The following ZNF442 variants were observed in gnomAD, a reference collection of about 807,000 sequenced individuals.
ZNF442 encodes zinc finger protein 442.
A neutral mutation model predicts 57.0 loss-of-function variants in ZNF442; 45 were observed. The ratio of observed to expected loss-of-function variants is 0.79; its 90% CI spans 0.62 to 1.01. The LOEUF (loss-of-function observed/expected upper bound fraction) is 1.01, where lower values mean the gene tolerates loss of function less well. Among genes scored for constraint, ZNF442 ranks in the 50% least tolerant of loss-of-function variants. ZNF442 has a pLI of 0.00. For synonymous variants in ZNF442, 213 were observed against 241.8 expected, an observed-to-expected ratio of 0.88 and a Z score of 1.10; for missense variants, 690 against 756.5, an observed-to-expected ratio of 0.91 and a Z score of 1.03.
upstream of ZNF442, among the ~76,000 whole-genome samples, chr19:12,368,797 C>T (rs1325428868): frequency 6.6e-6 from 1 of 152,154 alleles, no homozygotes; most frequent in Non-Finnish European, 1.5e-5. Context: ...ATTTTGACTT[C>T]TTTCCACACG....
the ZNF442 span, among the ~76,000 whole-genome samples, chr19:12,371,497 T>A: frequency 1.3e-5 from 2 of 152,214 alleles, no homozygotes; most frequent in Non-Finnish European, 2.9e-5. Flanking sequence ...TATGTTCAGA[T>A]TTTGCATATT....
chr19:12,370,490 G>C (rs62111314), upstream of ZNF442, among the ~76,000 whole-genome samples: 199 of 152,068 alleles, frequency 1.3e-3, 1 homozygote, highest in Non-Finnish European at 2.1e-3. Context: ...CATGGCCCAG[G>C]GATTGGGGAT....
chr19:12,348,031 G>T lies in ZNF442; in HGVS notation c.*1670C>A, dbSNP rs1027394530. On this transcript the variant is annotated 3_prime_UTR_variant, in exon 6 of 6. Coordinates refer to ENST00000242804, the MANE Select transcript of ZNF442 (RefSeq NM_030824.3). The stretch of plus-strand genomic sequence containing the variant: ...AGTTTTTGGGGCATCTACAGCCTCT[G>T]CAAGGTGAAAAGTATTAAAGATTAC... The T allele has an allele frequency of 3.9e-5, 6 of 152,130 alleles. No individual in the cohort carries two copies. Among genetic ancestry groups the T allele is most frequent in the Admixed American group, 3.9e-4 (6 of 15,258 alleles). 9.4% of individuals were successfully genotyped at this position (152,130 alleles called of 1,614,324 possible).
chr19:12,354,017 C>T (rs1224801887), intron 3 of ZNF442, among the ~76,000 whole-genome samples: 1 of 152,170 alleles, frequency 6.6e-6, no homozygotes, highest in African/African-American at 2.4e-5. Flanking sequence ...ACTTCCCAGC[C>T]TCCAGAACCA....
rs1475867779 is a variant in ZNF442, at chr19:12,356,564, T to C, written c.79-3450A>G. On this transcript the variant is annotated intron_variant, in intron 3 of 5. Transcript: ENST00000242804. ...ATCGCTTGAACCCAGGAGGCAGAGGTTGCAGTGAGCTGAGATCGCTCCATT... is the reference window on the plus strand; with the variant it reads ...ATCGCTTGAACCCAGGAGGCAGAGGCTGCAGTGAGCTGAGATCGCTCCATT... Among the ~76,000 whole-genome samples the C allele has an allele frequency of 4.0e-5, 6 of 150,060 alleles. No homozygotes were observed. In the East Asian group the frequency reaches 1.2e-3, roughly 29 times the overall value.
rs145002701 is a variant in ZNF442, at chr19:12,354,523, T to C, written c.79-1409A>G. On this transcript the variant is annotated intron_variant, in intron 3 of 5. Coordinates refer to ENST00000242804, the MANE Select transcript of ZNF442 (RefSeq NM_030824.3). ...ACAAATGTATAAAAATGCTAAAAAC[T>C]TTCTCACCAACAAAGTTACGGCTTT... Among the ~76,000 whole-genome samples the C allele has an allele frequency of 1.1e-3, 168 of 152,288 alleles. 1 individual carries two copies. Among genetic ancestry groups the C allele is most frequent in the African/African-American group, 3.9e-3 (164 of 41,572 alleles).
intron 5 of ZNF442, chr19:12,351,703 A>G: frequency 3.1e-6 from 1 of 326,680 alleles, no homozygotes; most frequent in Non-Finnish European, 5.6e-6. Flanking sequence ...ACGGGGTTTC[A>G]CCATGTTGGC....
Position 12,353,071 on chromosome 19 carries a change from T to G in ZNF442, c.122A>C (p.Glu41Ala), listed in dbSNP as rs1599588398. The G allele has an allele frequency of 6.2e-7, 1 of 1,613,380 alleles. No individual in the cohort carries two copies. The highest frequency in any genetic ancestry group is 8.5e-7 in the Non-Finnish European group (1 of 1,179,756). The stretch of plus-strand genomic sequence containing the variant: ...TGATGGACCCAGCAAAGCCCACTCT[T>G]CCTGGGTGAAGTTCACCGCCACATC... ...FEDVAVNFTQ[E>A]EWALLGPSQK... The change falls in exon 4 of 6, where the codon GAA becomes GCA. Residue 41 changes from glutamate (E) to alanine (A), a missense_variant. Physicochemically the swap from Glu to Ala is moderately radical, Grantham distance 107 (BLOSUM62 -1). Coordinates refer to ENST00000242804, the MANE Select transcript of ZNF442 (RefSeq NM_030824.3).
intron 3 of ZNF442, among the ~76,000 whole-genome samples, chr19:12,354,469 A>G (rs1225064635): frequency 6.6e-6 from 1 of 152,284 alleles, no homozygotes; most frequent in Admixed American, 6.5e-5. Flanking sequence ...AGTCAACAAA[A>G]AAAGATATCC....
Position 12,352,083 on chromosome 19 carries a change from CA to C in ZNF442, c.206-14del, listed in dbSNP as rs1969248615. On this transcript the variant is annotated splice_polypyrimidine_tract_variant and intron_variant, in intron 4 of 5. Transcript: ENST00000242804. ...TCCCATTTCATTCCTAAAAGGTGGA[CA>C]CAGAAAAAACACTGTAGATTATTAT... 5.6e-6 allele frequency: 9 copies of C among 1,611,064 alleles called. No homozygotes were observed. The highest frequency in any genetic ancestry group is 7.6e-6 in the Non-Finnish European group (9 of 1,178,906).
At chr19:12,364,407 C>CAAAAAAAAAAAAAAAA (rs35227073) in intron 2 of ZNF442, among the ~76,000 whole-genome samples, 21 of 93,118 alleles carry the variant, frequency 2.3e-4, no homozygotes, top group African/African-American at 8.0e-4. Flanking sequence ...AACTCCATCT[C>CAAAAAAAAAAAAAAAA]AAAAAAAAAA....
chr19:12,355,522 G>A (rs935760026), intron 3 of ZNF442, among the ~76,000 whole-genome samples: 5 of 149,870 alleles, frequency 3.3e-5, no homozygotes, highest in South Asian at 2.1e-4. Context: ...CCACACGCCC[G>A]GCTAATTTTT....
chr19:12,359,703 G>A lies in ZNF442; in HGVS notation c.78+3851C>T, dbSNP rs779585483. Among the ~76,000 whole-genome samples, 17 of 152,176 alleles carry A rather than the reference G, an allele frequency of 1.1e-4. No individual in the cohort carries two copies. In the South Asian group the frequency reaches 3.1e-3, roughly 28 times the overall value. On this transcript the variant is annotated intron_variant, in intron 3 of 5. Transcript: ENST00000242804. The stretch of plus-strand genomic sequence containing the variant: ...TGAACTAGAATCTGATTCTCGGCCC[G>A]GCGTGGTTGCTCACACCTGTAATCC...
chr19:12,346,683 T>G lies in ZNF442; in HGVS notation c.*3018A>C, dbSNP rs1202813752. On this transcript the variant is annotated 3_prime_UTR_variant, in exon 6 of 6. Coordinates refer to ENST00000242804, the MANE Select transcript of ZNF442 (RefSeq NM_030824.3). ...TTATTGATAGCAGTCAAATTATTACTGTGGAAACAACCCATGTTTATCAAC... is the reference window on the plus strand; with the variant it reads ...TTATTGATAGCAGTCAAATTATTACGGTGGAAACAACCCATGTTTATCAAC... 1 of 152,192 alleles carries G rather than the reference T, an allele frequency of 6.6e-6. No individual in the cohort carries two copies. The highest frequency in any genetic ancestry group is 2.4e-5 in the African/African-American group (1 of 41,450). 9.4% of individuals were successfully genotyped at this position (152,192 alleles called of 1,614,324 possible). A position where few individuals can be genotyped will look rare whatever the true frequency, so the allele number is the denominator to read the frequency against.
chr19:12,351,190 C>A lies in ZNF442; in HGVS notation c.395G>T (p.Cys132Phe), dbSNP rs746124728. ...GTGTCCAGCATCAAATGTGATATAG[C>A]AATTAAGGAATGAACAACCCATGAT... Reference protein sequence around the residue: ...GEIMGCSFLNCYITFDAGHKP... With the variant: ...GEIMGCSFLNFYITFDAGHKP... The change falls in exon 6 of 6, where the codon TGC becomes TTC. Residue 132 changes from cysteine (C) to phenylalanine (F), a missense_variant. Cys to Phe is a radical substitution (Grantham distance 205). Coordinates refer to ENST00000242804, the MANE Select transcript of ZNF442 (RefSeq NM_030824.3). 1.7e-5 allele frequency: 28 copies of A among 1,614,118 alleles called. No homozygotes were observed. In the South Asian group the frequency reaches 2.5e-4, roughly 15 times the overall value.
At chr19:12,361,877 G>C (rs147824960) in intron 3 of ZNF442, among the ~76,000 whole-genome samples, 2 of 152,146 alleles carry the variant, frequency 1.3e-5, no homozygotes, top group Admixed American at 1.3e-4. Flanking sequence ...ACGCCACCAC[G>C]CCTGACTGGT....
At chr19:12,371,521 G>A in the ZNF442 span, among the ~76,000 whole-genome samples, 1,136 of 152,270 alleles carry the variant, frequency 7.5e-3, 15 homozygotes, top group African/African-American at 0.026. Flanking sequence ...ACAAATTGCA[G>A]CAATTAACTA....
intron 3 of ZNF442, among the ~76,000 whole-genome samples, chr19:12,361,956 G>A (rs943518344): frequency 3.9e-5 from 6 of 152,212 alleles, no homozygotes; most frequent in African/African-American, 1.4e-4. Flanking sequence ...TCCTAACCGC[G>A]AGTGATCTGC....
intron 3 of ZNF442, among the ~76,000 whole-genome samples, chr19:12,356,444 A>G (rs1341073331): frequency 3.9e-5 from 6 of 152,160 alleles, no homozygotes; most frequent in Non-Finnish European, 8.8e-5. Flanking sequence ...CCTGAGCAAC[A>G]TGGCGAAAAC....
Sources: gnomAD v4.1 joint callset for allele counts (sites outside exome capture counted in the v4.1 genomes callset) on GRCh38, gnomAD v4.1.1 for gene constraint, MANE v1.5 for transcripts, NCBI Gene and HGNC (gene_info 2026-07-23, HGNC 2026-07-21) for gene names.